TTBK2: variants seen among roughly 807,000 people sequenced by gnomAD.
The protein encoded by TTBK2 is tau-tubulin kinase 2.
A neutral mutation model predicts 110.8 loss-of-function variants in TTBK2; 28 were observed. That is an observed-to-expected ratio of 0.25 (90% CI 0.19 to 0.35). The LOEUF is 0.35. TTBK2 is among the 10% of genes least tolerant of loss of function. TTBK2 has a pLI of 1.00. For synonymous variants in TTBK2, 532 were observed against 527.3 expected, an observed-to-expected ratio of 1.01 and a Z score of -0.12; for missense variants, 1,369 against 1,500.3, an observed-to-expected ratio of 0.91 and a Z score of 1.45.
chr15:42,777,221 T>C lies in TTBK2; in HGVS notation c.1219A>G (p.Ser407Gly), dbSNP rs772397463. 5 of 1,614,104 alleles carry C rather than the reference T, an allele frequency of 3.1e-6. No homozygotes were observed. Among genetic ancestry groups the C allele is most frequent in the African/African-American group, 2.7e-5 (2 of 74,944 alleles). ...ICKAATEEENSHGQANGLLNA... is the reference protein window; with the variant it reads ...ICKAATEEENGHGQANGLLNA... ...AGAAGACCATTTGCCTGGCCATGGC[T>C]GTTCTCCTCTTCAGTAGCAGCCTAT... The change falls in exon 12 of 15, where the codon AGC becomes GGC. Residue 407 changes from serine (S) to glycine (G), a missense_variant. Transcript: ENST00000267890.
chr15:42,809,302 T>C (rs905466274), intron 9 of TTBK2, among the ~76,000 whole-genome samples: 1 of 152,230 alleles, frequency 6.6e-6, no homozygotes, highest in African/African-American at 2.4e-5. Context: ...GAAAAGCCCT[T>C]AGGAGAATGT....
At position 42,820,834 on chromosome 15, in the gene TTBK2, G is replaced by A. The variant is rs575022301; in HGVS notation, c.538-3737C>T. ...TGGGCAACATCATAGTGAGACCCCC[G>A]TCTCTAAAAAAAAAAGAATTAAAGA... On this transcript the variant is annotated intron_variant, in intron 6 of 14. Coordinates refer to ENST00000267890, the MANE Select transcript of TTBK2 (RefSeq NM_173500.4). Among the ~76,000 whole-genome samples the A allele has an allele frequency of 5.9e-5, 9 of 151,744 alleles. No homozygotes were observed. The East Asian group carries it at 9.7e-4, about 16-fold the overall frequency.
chr15:42,834,409 TC>T (rs1410699424), intron 4 of TTBK2, among the ~76,000 whole-genome samples: 15 of 152,180 alleles, frequency 9.9e-5, no homozygotes, highest in Admixed American at 9.8e-4. Flanking sequence ...GAATTTGGTC[TC>T]TAAACATCAT....
chr15:42,803,112 A>G (rs928381671), intron 9 of TTBK2, among the ~76,000 whole-genome samples: 2 of 152,112 alleles, frequency 1.3e-5, no homozygotes, highest in South Asian at 4.1e-4. Flanking sequence ...TTATATATAT[A>G]TCTCTATTCC....
Position 42,741,963 on chromosome 15 carries a change from T to C in TTBK2, c.*3832A>G, listed in dbSNP as rs941119919. 1 of 152,150 alleles carries C rather than the reference T, an allele frequency of 6.6e-6. No homozygotes were observed. The highest frequency in any genetic ancestry group is 2.4e-5 in the African/African-American group (1 of 41,414). 9.4% of individuals were successfully genotyped at this position (152,150 alleles called of 1,614,324 possible). Reference sequence around the variant, plus strand: ...ATGGTTTTAGCTATCTGTGTCTGGGTTTATAAAACATGCACCAATGTACAC... The same window carrying C: ...ATGGTTTTAGCTATCTGTGTCTGGGCTTATAAAACATGCACCAATGTACAC... On this transcript the variant is annotated 3_prime_UTR_variant, in exon 15 of 15. Transcript: ENST00000267890.
intron 1 of TTBK2, among the ~76,000 whole-genome samples, chr15:42,917,287 A>G (rs975458781): frequency 2.0e-5 from 3 of 152,212 alleles, no homozygotes; most frequent in African/African-American, 4.8e-5. Context: ...TGTAAGTACT[A>G]TATGTTCACT....
At chr15:42,899,764 G>C (rs1260937595) in intron 1 of TTBK2, among the ~76,000 whole-genome samples, 1 of 150,534 alleles carries the variant, frequency 6.6e-6, no homozygotes, top group Non-Finnish European at 1.5e-5. Flanking sequence ...AGCCAGGTGT[G>C]CTGGTGGGCG....
At chr15:42,830,190 ATT>A (rs397853724) in intron 4 of TTBK2, 112 bp from the exon 5 acceptor site, 1,747 of 1,099,532 alleles carry the variant, frequency 1.6e-3, no homozygotes, top group East Asian at 1.8e-3. Flanking sequence ...AATAGCAAGA[ATT>A]TTTTTTTTTT....
chr15:42,851,776 A>G (rs920063530), intron 3 of TTBK2, among the ~76,000 whole-genome samples: 3 of 152,140 alleles, frequency 2.0e-5, no homozygotes, highest in Non-Finnish European at 4.4e-5. Flanking sequence ...TACACAGGAA[A>G]CCGGTAACAG....
intron 1 of TTBK2, among the ~76,000 whole-genome samples, chr15:42,902,027 C>A (rs2141191424): frequency 6.6e-6 from 1 of 151,942 alleles, no homozygotes. Flanking sequence ...ACCATCCTGG[C>A]CAACATGGTG....
chr15:42,841,816 T>C (rs1395999963), intron 3 of TTBK2, among the ~76,000 whole-genome samples: 2 of 152,188 alleles, frequency 1.3e-5, no homozygotes, highest in Non-Finnish European at 2.9e-5. Context: ...AAAAGTTGTA[T>C]CAAAATATGA....
At chr15:42,793,484 T>G (rs752061373) in intron 10 of TTBK2, among the ~76,000 whole-genome samples, 6 of 152,080 alleles carry the variant, frequency 3.9e-5, no homozygotes, top group Non-Finnish European at 7.4e-5. Flanking sequence ...GAGGCCATAG[T>G]GCACTATGAC....
chr15:42,821,807 A>T (rs1202673986), intron 6 of TTBK2, among the ~76,000 whole-genome samples: 2 of 151,040 alleles, frequency 1.3e-5, no homozygotes, highest in Non-Finnish European at 2.9e-5. Context: ...CTCCTGCCTC[A>T]GCCTCCCAAG....
intron 1 of TTBK2, among the ~76,000 whole-genome samples, chr15:42,899,600 C>T (rs1422768032): frequency 2.0e-5 from 3 of 152,040 alleles, no homozygotes; most frequent in Non-Finnish European, 4.4e-5. Context: ...ATTAGCCGGG[C>T]GTGGTGGTAC....
chr15:42,817,161 G>A, intron 6 of TTBK2, 64 bp from the exon 7 acceptor site: 1 of 1,382,664 alleles, frequency 7.2e-7, no homozygotes, highest in African/African-American at 1.4e-5. Flanking sequence ...CAGCACACTT[G>A]AACCATGAAG....
At chr15:42,774,663 G>A (rs1020501778) in intron 13 of TTBK2, among the ~76,000 whole-genome samples, 2 of 152,048 alleles carry the variant, frequency 1.3e-5, no homozygotes. Context: ...GAAAATTACC[G>A]TTTAACAGGA....
intron 12 of TTBK2, among the ~76,000 whole-genome samples, chr15:42,776,479 G>A (rs1889928283): frequency 6.6e-6 from 1 of 152,156 alleles, no homozygotes; most frequent in South Asian, 2.1e-4. Flanking sequence ...GATCTCTCAA[G>A]TTTCACCTTC....
At chr15:42,754,284 T>A (rs139179590) in intron 13 of TTBK2, among the ~76,000 whole-genome samples, 495 of 152,194 alleles carry the variant, frequency 3.3e-3, no homozygotes, top group Non-Finnish European at 6.0e-3. Flanking sequence ...GTGTCACCTG[T>A]TGCCCAGGCT....
chr15:42,784,400 C>A (rs1890317267), intron 10 of TTBK2, among the ~76,000 whole-genome samples: 1 of 152,016 alleles, frequency 6.6e-6, no homozygotes, highest in Non-Finnish European at 1.5e-5. Flanking sequence ...GCCTCAGCCT[C>A]CTGAGTAGCT....
Sources: gnomAD v4.1 joint callset for allele counts (sites outside exome capture counted in the v4.1 genomes callset) on GRCh38, gnomAD v4.1.1 for gene constraint, MANE v1.5 for transcripts, NCBI Gene and HGNC (gene_info 2026-07-23, HGNC 2026-07-21) for gene names.